Variants in RHOQ observed in about 807,000 individuals in gnomAD.
RHOQ encodes the protein ras homolog family member Q.
RHOQ carries 7 observed loss-of-function variants against 25.8 expected under a neutral mutation model. That is an observed-to-expected ratio of 0.27 (90% CI 0.15 to 0.51). The LOEUF is 0.51. Among genes scored for constraint, RHOQ ranks in the 20% least tolerant of loss-of-function variants. The pLI, the probability that RHOQ is intolerant of heterozygous loss-of-function variation, is 0.97. For missense variants in RHOQ, 165 were observed against 260.6 expected (o/e 0.63, Z 2.53); for synonymous variants, 97 against 98.6 (o/e 0.98, Z 0.10).
rs995444924 is a variant in RHOQ at position 46,556,310 on chromosome 2, T to C, written c.201+12498T>C. On this transcript the variant is annotated intron_variant, in intron 2 of 4. Transcript: ENST00000238738. This position sits in a 1 kb window ranked among gnomAD's most constrained non-coding sequence, Gnocchi z 4.9. ...TCCTGCCCCCGCTCTTTTTCAGTTG[T>C]TCTTCCATGGCCATTCTTTCCCGGG... is the stretch of plus-strand genomic sequence containing the variant. Among the ~76,000 whole-genome samples the C allele has an allele frequency of 1.3e-5, 2 of 152,122 alleles. No individual in the cohort carries two copies. Among genetic ancestry groups the C allele is most frequent in the African/African-American group, 4.8e-5 (2 of 41,424 alleles).
chr2:46,544,199 C>A (rs1667968846), intron 2 of RHOQ, among the ~76,000 whole-genome samples: 1 of 152,154 alleles, frequency 6.6e-6, no homozygotes, highest in African/African-American at 2.4e-5. Flanking sequence ...GAGTGGTCTG[C>A]CTGCCCAAGG....
chr2:46,543,639 G>T (rs971546157), intron 1 of RHOQ, 115 bp from the exon 2 acceptor site: 2 of 843,974 alleles, frequency 2.4e-6, no homozygotes, highest in African/African-American at 3.4e-5. Flanking sequence ...CTCGCGGGGA[G>T]CGCCCCCACG....
At chr2:46,560,825 T>G (rs1439037844) in intron 2 of RHOQ, 1 of 194,718 alleles carries the variant, frequency 5.1e-6, no homozygotes, top group Non-Finnish European at 1.1e-5. Context: ...TATAGCTTTC[T>G]TTAGTTACAT....
At chr2:46,560,383 T>C (rs1016037524) in intron 2 of RHOQ, 5 of 317,612 alleles carry the variant, frequency 1.6e-5, no homozygotes, top group Admixed American at 4.0e-5. Flanking sequence ...AATGCATACG[T>C]TCAGTTGGCT....
At chr2:46,580,250 T>C (rs1669304458) in intron 4 of RHOQ, 1 of 152,488 alleles carries the variant, frequency 6.6e-6, no homozygotes, top group African/African-American at 2.4e-5. Flanking sequence ...GTCTCCTTTG[T>C]TGTTCCCTCA....
Position 46,548,263 on chromosome 2 carries a change from G to T in RHOQ, c.201+4451G>T, listed in dbSNP as rs1668135016. On this transcript the variant is annotated intron_variant, in intron 2 of 4. Transcript: ENST00000238738. This position sits in a 1 kb window ranked among gnomAD's most constrained non-coding sequence, Gnocchi z 5.2. ...TTGATATAACCCAGCAGCTGTGGCT[G>T]CCCTGCATGCCCTCTGGGTGCCCAC... Among the ~76,000 whole-genome samples, 1 of 152,220 alleles carries T rather than the reference G, an allele frequency of 6.6e-6. No homozygotes were observed. Among genetic ancestry groups the T allele is most frequent in the Admixed American group, 6.5e-5 (1 of 15,286 alleles).
Position 46,556,629 on chromosome 2 carries a change from A to G in RHOQ, c.201+12817A>G, listed in dbSNP as rs143024290. Among the ~76,000 whole-genome samples, 5 of 152,210 alleles carry G rather than the reference A, an allele frequency of 3.3e-5. No individual in the cohort carries two copies. In the East Asian group the frequency reaches 7.7e-4, roughly 23 times the overall value. On this transcript the variant is annotated intron_variant, in intron 2 of 4. Coordinates refer to ENST00000238738, the MANE Select transcript of RHOQ (RefSeq NM_012249.4). The surrounding 1 kb of genome is among the most constrained non-coding windows in gnomAD (Gnocchi z 4.9). ...TCAAACATATAAATATCCATTAAAC[A>G]TAAGAGTGAGGTGAGGAACACAAAA...
In RHOQ at chr2:46,555,334, C is replaced by T. The variant is rs548834901; in HGVS notation, c.201+11522C>T. On this transcript the variant is annotated intron_variant, in intron 2 of 4. Transcript: ENST00000238738. The surrounding 1 kb of genome is among the most constrained non-coding windows in gnomAD (Gnocchi z 4.3). ...CTCCCCATGCAGATTGTAAACTCTT[C>T]CCCTTGCCGTCCCTGCAGGACTGCA... 2.0e-5 allele frequency among the ~76,000 whole-genome samples: 3 copies of T among 152,346 alleles called. No individual in the cohort carries two copies. Among genetic ancestry groups the T allele is most frequent in the East Asian group, 1.9e-4 (1 of 5,180 alleles).
rs540053772 is a variant in RHOQ, at chr2:46,584,055, T to C, written c.*2972T>C. On this transcript the variant is annotated 3_prime_UTR_variant, in exon 5 of 5. Coordinates refer to ENST00000238738, the MANE Select transcript of RHOQ (RefSeq NM_012249.4). ...AAGTGGAGCTTGGATTAATGGGTTT[T>C]GTTATGAATTATCTTAGTGACTTTA... is the stretch of plus-strand genomic sequence containing the variant. Among the ~76,000 whole-genome samples, 1 of 152,328 alleles carries C rather than the reference T, an allele frequency of 6.6e-6. No homozygotes were observed. The highest frequency in any genetic ancestry group is 6.5e-5 in the Admixed American group (1 of 15,306).
intron 2 of RHOQ, among the ~76,000 whole-genome samples, chr2:46,554,187 C>T (rs965003468): frequency 7.2e-5 from 11 of 151,806 alleles, no homozygotes; most frequent in Non-Finnish European, 1.5e-4. Flanking sequence ...CATATACCCT[C>T]ATTTCTAGTT....
chr2:46,549,992 C>A (rs1016675702), intron 2 of RHOQ, among the ~76,000 whole-genome samples: 14 of 152,046 alleles, frequency 9.2e-5, no homozygotes, highest in African/African-American at 3.1e-4. Context: ...TTTGGGAGGC[C>A]AAGGCTGGAG....
intron 2 of RHOQ, among the ~76,000 whole-genome samples, chr2:46,564,049 A>T (rs1033016264): frequency 1.3e-5 from 2 of 152,088 alleles, no homozygotes; most frequent in African/African-American, 4.8e-5. Flanking sequence ...TCATGCCTAT[A>T]ATCCTAGCAC....
At chr2:46,546,583 A>G (rs1668077415) in intron 2 of RHOQ, among the ~76,000 whole-genome samples, 1 of 140,102 alleles carries the variant, frequency 7.1e-6, no homozygotes, top group Non-Finnish European at 1.5e-5. Context: ...TGGGCTTTGG[A>G]ACAAAACAGG....
intron 2 of RHOQ, among the ~76,000 whole-genome samples, chr2:46,562,508 C>T (rs921042878): frequency 8.5e-5 from 13 of 152,146 alleles, no homozygotes; most frequent in African/African-American, 3.1e-4. Context: ...GGCACTCCTC[C>T]CTAGCCAGGT....
intron 2 of RHOQ, chr2:46,560,729 T>A (rs1474227412): frequency 4.7e-6 from 2 of 428,500 alleles, no homozygotes; most frequent in African/African-American, 2.0e-5. Flanking sequence ...AATTTCTACT[T>A]TGCTAGACTT....
At chr2:46,543,635 G>A in intron 1 of RHOQ, 119 bp from the exon 2 acceptor site, 1 of 823,980 alleles carries the variant, frequency 1.2e-6, no homozygotes. Context: ...ACATCTCGCG[G>A]GGAGCGCCCC....
In RHOQ at chr2:46,569,143, G is replaced by A. The variant is rs1482504999; in HGVS notation, c.202-6944G>A. On this transcript the variant is annotated intron_variant, in intron 2 of 4. Coordinates refer to ENST00000238738, the MANE Select transcript of RHOQ (RefSeq NM_012249.4). This position sits in a 1 kb window ranked among gnomAD's most constrained non-coding sequence, Gnocchi z 4.1. ...TGGTTTGTCTTTTTTTGGAAAGTCAGGCTTGTCTGCCAAAGAGCTCGAAAC... is the reference window on the plus strand; with the variant it reads ...TGGTTTGTCTTTTTTTGGAAAGTCAAGCTTGTCTGCCAAAGAGCTCGAAAC... 2 of 152,192 alleles carry A rather than the reference G, an allele frequency of 1.3e-5. No homozygotes were observed. The highest frequency in any genetic ancestry group is 4.8e-5 in the African/African-American group (2 of 41,436). The allele number at this position is 152,192 out of a possible 1,614,324, so 9.4% of individuals were successfully genotyped here. A position where few individuals can be genotyped will look rare whatever the true frequency, so the allele number is the denominator to read the frequency against.
intron 2 of RHOQ, among the ~76,000 whole-genome samples, chr2:46,549,713 T>C (rs1222973926): frequency 6.6e-6 from 1 of 152,230 alleles, no homozygotes; most frequent in African/African-American, 2.4e-5. Flanking sequence ...ATTCCTCTTT[T>C]GGTTTCTGAG....
At chr2:46,546,466 A>G (rs1292593667) in intron 2 of RHOQ, among the ~76,000 whole-genome samples, 3 of 5,722 alleles carry the variant, frequency 5.2e-4, no homozygotes, top group East Asian at 3.5e-3. Context: ...ATATATATAT[A>G]TATATATGTG....
Sources: allele counts gnomAD v4.1 joint callset (sites outside exome capture counted in the v4.1 genomes callset), GRCh38; gene constraint gnomAD v4.1.1; non-coding constraint Gnocchi (gnomAD v3.1); transcripts MANE v1.5; gene names NCBI Gene and HGNC (gene_info 2026-07-23, HGNC 2026-07-21).